Variants in SCFD2 observed in about 807,000 individuals in gnomAD.
SCFD2 encodes sec1 family domain-containing protein 2.
In SCFD2, 54 loss-of-function variants were observed where a neutral mutation model predicts 58.9. That is an observed-to-expected ratio of 0.92 (90% CI 0.74 to 1.15). SCFD2 has a LOEUF of 1.15. Among genes scored for constraint, SCFD2 ranks in the 50% most tolerant of loss-of-function variants. The probability of loss-of-function intolerance (pLI) is 0.00; values close to 1 mark genes in which losing one functional copy is unlikely to be tolerated. For missense variants in SCFD2, 805 were observed against 836.6 expected, an observed-to-expected ratio of 0.96 and a Z score of 0.47; for synonymous variants, 321 against 335.9, an observed-to-expected ratio of 0.96 and a Z score of 0.49.
Position 53,365,838 on chromosome 4 carries a change from C to G in SCFD2, c.104G>C (p.Ser35Thr), listed in dbSNP as rs1429114263. ...GGTGGATCCGCAGCCCCAGTGCAGG[C>G]TCTCGGCGCAGGCGGCGTCCAGGTA... The part of the protein sequence containing the change: ...VVYLDAACAE[S>T]LHWGCGSTRL... Residue 35 changes from serine (S) to threonine (T), a missense_variant, in exon 1 of 9, where the codon AGC becomes ACC. By Grantham distance (58) the Ser-to-Thr change is moderately conservative (BLOSUM62 1). Around this residue, in one of 3 missense-constraint regions of SCFD2, gnomAD observed 155 missense variants for 149.7 expected, o/e 1.04. Transcript: ENST00000401642. The surrounding 1 kb of genome is among the most constrained non-coding windows in gnomAD (Gnocchi z 4.3). 6.2e-7 allele frequency: 1 copy of G among 1,613,646 alleles called. No homozygotes were observed. Among genetic ancestry groups the G allele is most frequent in the Non-Finnish European group, 8.5e-7 (1 of 1,179,992 alleles).
intron 4 of SCFD2, among the ~76,000 whole-genome samples, chr4:53,237,460 G>A (rs1354327911): frequency 8.0e-5 from 11 of 137,066 alleles, no homozygotes; most frequent in Non-Finnish European, 1.4e-4. Context: ...GGGTCTGGCC[G>A]GGCGGGGGGG....
intron 2 of SCFD2, among the ~76,000 whole-genome samples, chr4:53,320,015 C>T (rs558689640): frequency 1.2e-4 from 19 of 152,194 alleles, no homozygotes; most frequent in Non-Finnish European, 5.9e-5. Context: ...ACAGTTATTA[C>T]TAATGTTATA....
chr4:53,128,571 A>G (rs1224012110), intron 5 of SCFD2, among the ~76,000 whole-genome samples: 2 of 152,254 alleles, frequency 1.3e-5, no homozygotes, highest in African/African-American at 2.4e-5. Context: ...GGAGAGCTGT[A>G]AGGTTCGGAG....
intron 7 of SCFD2, among the ~76,000 whole-genome samples, chr4:52,904,388 G>C (rs1379934919): frequency 6.6e-6 from 1 of 152,206 alleles, no homozygotes; most frequent in Admixed American, 6.5e-5. Context: ...GCAGATTCCA[G>C]AGGAACAGAG....
intron 3 of SCFD2, among the ~76,000 whole-genome samples, chr4:53,307,782 C>A (rs1732562389): frequency 6.6e-6 from 1 of 152,120 alleles, no homozygotes; most frequent in Non-Finnish European, 1.5e-5. Flanking sequence ...AGCTAGTTTT[C>A]CAGGTGTTAG....
At chr4:53,167,054 A>G (rs2148932887) in intron 4 of SCFD2, among the ~76,000 whole-genome samples, 1 of 152,268 alleles carries the variant, frequency 6.6e-6, no homozygotes, top group South Asian at 2.1e-4. Flanking sequence ...AAACCTTTCT[A>G]ACCTGCTCCA....
chr4:53,083,600 C>T (rs2148860373), intron 5 of SCFD2, among the ~76,000 whole-genome samples: 2 of 152,240 alleles, frequency 1.3e-5, no homozygotes, highest in Middle Eastern at 3.4e-3. Flanking sequence ...GATCATTCAT[C>T]ATTATTGGGG....
At chr4:53,218,559 G>A (rs1459675334) in intron 4 of SCFD2, among the ~76,000 whole-genome samples, 1 of 152,084 alleles carries the variant, frequency 6.6e-6, no homozygotes, top group African/African-American at 2.4e-5. Context: ...TTTTTTCAAG[G>A]TTTTTAGCTT....
chr4:53,016,577 T>C (rs1722218543), intron 5 of SCFD2, among the ~76,000 whole-genome samples: 9 of 152,236 alleles, frequency 5.9e-5, no homozygotes, highest in Admixed American at 5.9e-4. Flanking sequence ...CTAGAACTCC[T>C]GAGCTCTTTA....
chr4:53,004,611 G>C (rs1029850631), intron 5 of SCFD2, among the ~76,000 whole-genome samples: 3 of 152,212 alleles, frequency 2.0e-5, no homozygotes, highest in Non-Finnish European at 2.9e-5. Context: ...GTAAGTGGTA[G>C]AGTTAGAATT....
intron 5 of SCFD2, among the ~76,000 whole-genome samples, chr4:53,051,487 G>A (rs1370228072): frequency 2.0e-5 from 3 of 152,150 alleles, no homozygotes; most frequent in Non-Finnish European, 4.4e-5. Flanking sequence ...GAGCCACCTA[G>A]GGGAAGCAAC....
intron 4 of SCFD2, among the ~76,000 whole-genome samples, chr4:53,185,415 C>G (rs558547793): frequency 6.6e-6 from 1 of 151,910 alleles, no homozygotes; most frequent in Admixed American, 6.6e-5. Context: ...ATAATTATAA[C>G]GCATTTATTT....
chr4:53,104,255 T>C (rs1200822723), intron 5 of SCFD2, among the ~76,000 whole-genome samples: 1 of 152,172 alleles, frequency 6.6e-6, no homozygotes, highest in Non-Finnish European at 1.5e-5. Flanking sequence ...CAATGGTATA[T>C]ACTCTTGATA....
At chr4:53,024,599 C>G (rs898414187) in intron 5 of SCFD2, among the ~76,000 whole-genome samples, 1 of 152,090 alleles carries the variant, frequency 6.6e-6, no homozygotes, top group African/African-American at 2.4e-5. Context: ...ATTGAGACCA[C>G]TACTTTCTGC....
At chr4:53,018,901 G>A (rs555524814) in intron 5 of SCFD2, among the ~76,000 whole-genome samples, 2 of 152,282 alleles carry the variant, frequency 1.3e-5, no homozygotes, top group South Asian at 2.1e-4. Flanking sequence ...GTATACTCAA[G>A]ATGGCCAGTT....
At chr4:53,170,501 T>G (rs1173888011) in intron 4 of SCFD2, among the ~76,000 whole-genome samples, 1 of 152,130 alleles carries the variant, frequency 6.6e-6, no homozygotes, top group African/African-American at 2.4e-5. Flanking sequence ...TACTCAAGAT[T>G]GTCTTGGCTA....
intron 5 of SCFD2, among the ~76,000 whole-genome samples, chr4:53,103,829 C>T (rs1054958267): frequency 1.7e-5 from 2 of 120,254 alleles, no homozygotes; most frequent in Non-Finnish European, 3.5e-5. Context: ...AAAAAAAATG[C>T]CGTAAGGGTT....
chr4:53,257,873 TA>T (rs997144447), intron 4 of SCFD2, among the ~76,000 whole-genome samples: 6 of 151,644 alleles, frequency 4.0e-5, no homozygotes, highest in East Asian at 3.9e-4. Context: ...CTCTCTTTTT[TA>T]AAAAAAACCT....
chr4:53,356,954 C>T (rs915702126), intron 1 of SCFD2, among the ~76,000 whole-genome samples: 1 of 151,856 alleles, frequency 6.6e-6, no homozygotes, highest in Non-Finnish European at 1.5e-5. Context: ...TTTTAAACCA[C>T]CACACCTACC....
Sources: gnomAD v4.1 joint callset for allele counts (sites outside exome capture counted in the v4.1 genomes callset) on GRCh38, gnomAD v4.1.1 for gene constraint, gnomAD v4.1.1 regional missense constraint, Gnocchi (gnomAD v3.1) non-coding constraint, MANE v1.5 for transcripts, NCBI Gene and HGNC (gene_info 2026-07-23, HGNC 2026-07-21) for gene names.